The following CYSLTR2 variants were observed in gnomAD, a reference collection of about 807,000 sequenced individuals.
The protein encoded by CYSLTR2 is G-protein coupled receptor GPCR21.
For synonymous variants in CYSLTR2, 179 were observed against 160.8 expected, an observed-to-expected ratio of 1.11 and a Z score of -0.86; for missense variants, 398 against 411.9, an observed-to-expected ratio of 0.97 and a Z score of 0.29.
intron 1 of CYSLTR2, among the ~76,000 whole-genome samples, chr13:48,669,211 T>C (rs1201474624): frequency 1.3e-5 from 2 of 152,158 alleles, no homozygotes; most frequent in East Asian, 1.9e-4. Flanking sequence ...GTTAAACTAA[T>C]TTTCACTCCC....
chr13:48,679,885 TC>T (rs958817815), intron 1 of CYSLTR2, among the ~76,000 whole-genome samples: 2 of 152,140 alleles, frequency 1.3e-5, no homozygotes, highest in African/African-American at 4.8e-5. Flanking sequence ...CAGAAGGGTT[TC>T]CAATGTGGGA....
intron 1 of CYSLTR2, among the ~76,000 whole-genome samples, chr13:48,677,728 G>T: frequency 6.6e-6 from 1 of 152,138 alleles, no homozygotes; most frequent in African/African-American, 2.4e-5. Flanking sequence ...AGTAGCTGCA[G>T]AACTCAAAAG....
intron 4 of CYSLTR2, among the ~76,000 whole-genome samples, chr13:48,703,417 A>G (rs1020195460): frequency 6.6e-6 from 1 of 152,188 alleles, no homozygotes; most frequent in South Asian, 2.1e-4. Flanking sequence ...GGAGACACTC[A>G]GTCTTTTACT....
intron 1 of CYSLTR2, among the ~76,000 whole-genome samples, chr13:48,666,403 T>G (rs1410119430): frequency 6.6e-6 from 1 of 152,160 alleles, no homozygotes; most frequent in Non-Finnish European, 1.5e-5. Context: ...TGAATCTATT[T>G]GGAAATTTTT....
intron 3 of CYSLTR2, among the ~76,000 whole-genome samples, chr13:48,695,399 CTCTCTCTT>C (rs1303345915): frequency 1.4e-5 from 2 of 145,184 alleles, no homozygotes; most frequent in East Asian, 2.0e-4. Flanking sequence ...CTTTCTCTCT[CTCTCTCTT>C]TCTCTCTCTC....
intron 3 of CYSLTR2, among the ~76,000 whole-genome samples, chr13:48,695,391 T>TTCTCTC (rs144547434): frequency 4.4e-4 from 61 of 138,836 alleles, no homozygotes; most frequent in African/African-American, 1.5e-3. Context: ...CTTTCTTTCT[T>TTCTCTC]TCTCTCTCTC....
chr13:48,701,654 G>A (rs1203752083), intron 4 of CYSLTR2, among the ~76,000 whole-genome samples: 1 of 152,136 alleles, frequency 6.6e-6, no homozygotes, highest in Non-Finnish European at 1.5e-5. Context: ...ACAGACACAT[G>A]AAAAAATGCT....
chr13:48,678,911 C>T (rs9316409), intron 1 of CYSLTR2, among the ~76,000 whole-genome samples: 80,162 of 151,670 alleles, frequency 0.53, 21,459 homozygotes, highest in African/African-American at 0.62. Context: ...CCCCTACTCA[C>T]CTCTCTGTAC....
At chr13:48,675,310 C>T (rs971333678) in intron 1 of CYSLTR2, among the ~76,000 whole-genome samples, 6 of 152,220 alleles carry the variant, frequency 3.9e-5, no homozygotes, top group African/African-American at 1.4e-4. Flanking sequence ...CTAACAGGGG[C>T]TTCTGCCTTT....
intron 4 of CYSLTR2, among the ~76,000 whole-genome samples, chr13:48,702,696 C>G (rs950541733): frequency 6.6e-6 from 1 of 152,194 alleles, no homozygotes; most frequent in Non-Finnish European, 1.5e-5. Flanking sequence ...ATTACTTTAA[C>G]TATAAAATAA....
At chr13:48,657,408 C>A (rs1177776734) in intron 1 of CYSLTR2, among the ~76,000 whole-genome samples, 2 of 151,606 alleles carry the variant, frequency 1.3e-5, no homozygotes, top group Non-Finnish European at 2.9e-5. Context: ...TTTTTTGCCT[C>A]TTTAGTGTAA....
intron 1 of CYSLTR2, among the ~76,000 whole-genome samples, chr13:48,681,333 G>C (rs1228547514): frequency 6.6e-6 from 1 of 152,152 alleles, no homozygotes; most frequent in Non-Finnish European, 1.5e-5. Context: ...AGGGGAAACG[G>C]ACCCTTGTCT....
At chr13:48,689,200 G>A (rs1409032405) in intron 1 of CYSLTR2, among the ~76,000 whole-genome samples, 3 of 152,154 alleles carry the variant, frequency 2.0e-5, no homozygotes, top group African/African-American at 4.8e-5. Flanking sequence ...CTCCCATTCT[G>A]TAGGTTGCCT....
At chr13:48,684,979 C>A (rs568917596) in intron 1 of CYSLTR2, among the ~76,000 whole-genome samples, 1 of 152,178 alleles carries the variant, frequency 6.6e-6, no homozygotes, top group Non-Finnish European at 1.5e-5. Context: ...CTAGAAGAGA[C>A]AAGGAGGGAT....
chr13:48,687,643 A>G (rs1953930507), intron 1 of CYSLTR2, among the ~76,000 whole-genome samples: 1 of 152,218 alleles, frequency 6.6e-6, no homozygotes, highest in South Asian at 2.1e-4. Context: ...ATAGTATGCA[A>G]CACAAGAATG....
At chr13:48,696,691 A>G (rs1208724718) in intron 4 of CYSLTR2, 65 bp downstream of exon 4, 2 of 152,248 alleles carry the variant, frequency 1.3e-5, no homozygotes, top group Non-Finnish European at 2.9e-5. Flanking sequence ...AGGGCGGAGC[A>G]TCGCGTCACC....
chr13:48,684,113 C>CG (rs367983021), intron 1 of CYSLTR2, among the ~76,000 whole-genome samples: 1,924 of 151,312 alleles, frequency 0.013, 32 homozygotes, highest in African/African-American at 0.032. Flanking sequence ...TTGTAGAGAT[C>CG]GGGGGGGGTC....
intron 1 of CYSLTR2, among the ~76,000 whole-genome samples, chr13:48,676,523 C>A (rs1248434073): frequency 6.6e-6 from 1 of 152,026 alleles, no homozygotes; most frequent in African/African-American, 2.4e-5. Flanking sequence ...AGAGTAGGGA[C>A]AAAGTATAAG....
intron 1 of CYSLTR2, among the ~76,000 whole-genome samples, chr13:48,682,045 T>C (rs1056314838): frequency 3.3e-5 from 5 of 152,174 alleles, no homozygotes; most frequent in Admixed American, 2.0e-4. Context: ...GAAACCTTTA[T>C]GTAAAAATTC....
Sources: gnomAD v4.1 joint callset for allele counts (sites outside exome capture counted in the v4.1 genomes callset) on GRCh38, gnomAD v4.1.1 for gene constraint, MANE v1.5 for transcripts, NCBI Gene and HGNC (gene_info 2026-07-23, HGNC 2026-07-21) for gene names.